Variants in CHMP2A observed in about 807,000 individuals in gnomAD.
CHMP2A encodes the protein charged multivesicular body protein 2A.
In CHMP2A, 6 loss-of-function variants were observed where a neutral mutation model predicts 21.8. The ratio of observed to expected loss-of-function variants is 0.28; its 90% CI spans 0.15 to 0.54. The LOEUF (loss-of-function observed/expected upper bound fraction) is 0.54, where lower values mean the gene tolerates loss of function less well. Ranked by LOEUF, CHMP2A falls within the 20% of genes least tolerant of loss-of-function variation. The pLI, the probability that CHMP2A is intolerant of heterozygous loss-of-function variation, is 0.95. For missense variants in CHMP2A, 303 were observed against 293.9 expected, an observed-to-expected ratio of 1.03 and a Z score of -0.23; for synonymous variants, 125 against 107.0, an observed-to-expected ratio of 1.17 and a Z score of -1.04.
rs1457256423 is a variant in CHMP2A at position 58,552,438 on chromosome 19, C to G, written c.169G>C (p.Asp57His). 2 of 1,613,028 alleles carry G rather than the reference C, an allele frequency of 1.2e-6. No homozygotes were observed. The highest frequency in any genetic ancestry group is 2.2e-5 in the East Asian group (1 of 44,882). Residue 57 changes from aspartate to histidine, a missense_variant and splice_region_variant, in exon 3 of 6, where the codon GAT becomes CAT. By Grantham distance (81) the Asp-to-His change is moderately conservative. Coordinates refer to ENST00000312547, the MANE Select transcript of CHMP2A (RefSeq NM_014453.4). ...IKKMAKQGQM[D>H]AVRIMAKDLV... Reference sequence around the variant, plus strand: ...TCTTTTGCCATGATGCGAACAGCATCCTGCAGAGTAGACAAGGGTATCAAG... The same window carrying G: ...TCTTTTGCCATGATGCGAACAGCATGCTGCAGAGTAGACAAGGGTATCAAG...
In CHMP2A at chr19:58,551,979, A is replaced by G; in HGVS notation, c.480-12T>C. The G allele has an allele frequency of 6.2e-7, 1 of 1,614,134 alleles. No homozygotes were observed. The highest frequency in any genetic ancestry group is 8.5e-7 in the Non-Finnish European group (1 of 1,180,006). ...ACACCACAGCATCACTAGGGAAGAG[A>G]GAGAACTCAGTGAGGGCTATGCACT... is the stretch of plus-strand genomic sequence containing the variant. On this transcript the variant is annotated splice_polypyrimidine_tract_variant and intron_variant, in intron 4 of 5. Coordinates refer to ENST00000312547, the MANE Select transcript of CHMP2A (RefSeq NM_014453.4).
intron 5 of CHMP2A, 38 bp downstream of exon 5, chr19:58,551,868 T>G: frequency 6.2e-7 from 1 of 1,614,056 alleles, no homozygotes; most frequent in Non-Finnish European, 8.5e-7. Flanking sequence ...TGGCTGGGCC[T>G]TGGGTGGGAA....
At position 58,551,700 on chromosome 19, in the gene CHMP2A, A is replaced by C. The variant is rs1231456642; in HGVS notation, c.618T>G (p.Ala206=). 6.2e-7 allele frequency: 1 copy of C among 1,614,024 alleles called. No individual in the cohort carries two copies. Among genetic ancestry groups the C allele is most frequent in the African/African-American group, 1.3e-5 (1 of 74,934 alleles). ...KKAEAAASAL[A]DADADLEERL... ...GTTCCTCCAGGTCTGCATCAGCATC[A>C]GCTAGGGCTGAGGCTGCGGCCTCTG... is the stretch of plus-strand genomic sequence containing the variant. The change falls in exon 6 of 6, where the codon GCT becomes GCG. Residue 206 remains alanine, a synonymous_variant. Coordinates refer to ENST00000312547, the MANE Select transcript of CHMP2A (RefSeq NM_014453.4).
chr19:58,552,592 T>A (rs920297271), intron 2 of CHMP2A, among the ~76,000 whole-genome samples, 154 bp from the exon 3 acceptor site: 6 of 152,174 alleles, frequency 3.9e-5, no homozygotes, highest in African/African-American at 1.4e-4. Flanking sequence ...CACTGGTCCC[T>A]CCCTCCTTCT....
chr19:58,552,511 G>C, intron 2 of CHMP2A, 73 bp from the exon 3 acceptor site: 1 of 1,470,358 alleles, frequency 6.8e-7, no homozygotes, highest in Non-Finnish European at 9.3e-7. Context: ...CCATTAGTTG[G>C]TTGTCCCTCC....
intron 2 of CHMP2A, 49 bp from the exon 3 acceptor site, chr19:58,552,487 C>A (rs750141261): frequency 1.3e-6 from 2 of 1,549,486 alleles, no homozygotes; most frequent in Non-Finnish European, 1.8e-6. Context: ...GATTATCCTA[C>A]ACTTCTTGAC....
Position 58,552,185 on chromosome 19 carries a change from G to T in CHMP2A, c.349C>A (p.Leu117Met). Reference sequence around the variant, plus strand: ...ATCTTCTGGATCTGGGGCAACTTCAGCTGGAAGTGACAGGAGTGTGAGTGT... The same window carrying T: ...ATCTTCTGGATCTGGGGCAACTTCATCTGGAAGTGACAGGAGTGTGAGTGT... ...TKAMGTMNRQ[L>M]KLPQIQKIMM... The change falls in exon 4 of 6, where the codon CTG (leucine) becomes ATG (methionine). Residue 117 changes from leucine (L) to methionine (M), a missense_variant and splice_region_variant. Coordinates refer to ENST00000312547, the MANE Select transcript of CHMP2A (RefSeq NM_014453.4). 6.2e-7 allele frequency: 1 copy of T among 1,614,186 alleles called. No individual in the cohort carries two copies. Among genetic ancestry groups the T allele is most frequent in the South Asian group, 1.1e-5 (1 of 91,084 alleles).
At position 58,552,078 on chromosome 19, in the gene CHMP2A, A is replaced by G; in HGVS notation, c.456T>C (p.Gly152=). The G allele has an allele frequency of 6.2e-7, 1 of 1,613,778 alleles. No individual in the cohort carries two copies. The highest frequency in any genetic ancestry group is 8.5e-7 in the Non-Finnish European group (1 of 1,179,954). The change falls in exon 4 of 6, where the codon GGT becomes GGC. Residue 152 remains glycine, a synonymous_variant. Coordinates refer to ENST00000312547, the MANE Select transcript of CHMP2A (RefSeq NM_014453.4). ...MMNDAIDDAM[G]DEEDEEESDA... is the part of the protein sequence containing the mutation. ...ACCTCTCCTCTTCATCTTCCTCATC[A>G]CCCATGGCATCATCAATGGCATCAT...
In CHMP2A at chr19:58,551,625, G is replaced by A. The variant is rs2053825094; in HGVS notation, c.*24C>T. 6.2e-7 allele frequency: 1 copy of A among 1,610,968 alleles called. No individual in the cohort carries two copies. Among genetic ancestry groups the A allele is most frequent in the Non-Finnish European group, 8.5e-7 (1 of 1,178,068 alleles). On this transcript the variant is annotated 3_prime_UTR_variant, in exon 6 of 6. Transcript: ENST00000312547. Reference sequence around the variant, plus strand: ...GGTAAAAGATCCTGGGCATCCACTGGTTATCTCGGAGTGGCAGGGGCACTC... The same window carrying A: ...GGTAAAAGATCCTGGGCATCCACTGATTATCTCGGAGTGGCAGGGGCACTC...
rs569551401 is a variant in CHMP2A, at chr19:58,552,970, A to T, written c.169-532T>A. Among the ~76,000 whole-genome samples the T allele has an allele frequency of 2.6e-5, 4 of 151,878 alleles. No individual in the cohort carries two copies. In the East Asian group the frequency reaches 7.7e-4, roughly 29 times the overall value. On this transcript the variant is annotated intron_variant, in intron 2 of 5. Transcript: ENST00000312547. ...TGTTCAGGCCAAAACCCTCTCACCC[A>T]TCAAAGGCTGTGTTCCTTCTTCATG... is the stretch of plus-strand genomic sequence containing the variant.
chr19:58,554,270 G>A (rs2053866820), intron 1 of CHMP2A, 34 bp from the exon 2 acceptor site: 4 of 1,563,802 alleles, frequency 2.6e-6, no homozygotes, highest in Admixed American at 1.9e-5. Flanking sequence ...CAGTTGTAGG[G>A]CATGGGGCCC....
intron 2 of CHMP2A, among the ~76,000 whole-genome samples, chr19:58,553,128 G>C (rs192429692): frequency 2.4e-4 from 36 of 151,666 alleles, no homozygotes; most frequent in Non-Finnish European, 4.7e-4. Flanking sequence ...CACAATCTTG[G>C]CTCACTGCAA....
rs2053826354 is a variant in CHMP2A at position 58,551,688 on chromosome 19, TGCATCA to T, written c.624_629del (p.Ala210_Asp211del). ...GGTTCTTAAGCCGTTCCTCCAGGTC[TGCATCA>T]GCATCAGCTAGGGCTGAGGCTGCGG... On this transcript the variant is annotated inframe_deletion, in exon 6 of 6. Transcript: ENST00000312547. 1.2e-6 allele frequency: 2 copies of T among 1,614,024 alleles called. No homozygotes were observed. The highest frequency in any genetic ancestry group is 1.3e-5 in the African/African-American group (1 of 74,936).
Position 58,551,664 on chromosome 19 carries a change from G to A in CHMP2A, c.654C>T (p.Asn218=), listed in dbSNP as rs2053826054. Residue 218 remains asparagine, a synonymous_variant, in exon 6 of 6, where the codon AAC becomes AAT. Transcript: ENST00000312547. The part of the protein sequence containing the change: ...ADADLEERLK[N]LRRD ...GCAGGGGCACTCAGTCCCTCCGCAG[G>A]TTCTTAAGCCGTTCCTCCAGGTCTG... The A allele has an allele frequency of 1.2e-6, 2 of 1,613,980 alleles. No homozygotes were observed. The highest frequency in any genetic ancestry group is 2.2e-5 in the South Asian group (2 of 91,074).
chr19:58,551,967 A>G lies in CHMP2A; in HGVS notation c.480T>C (p.Ser160=). 6.2e-7 allele frequency: 1 copy of G among 1,614,124 alleles called. No homozygotes were observed. Among genetic ancestry groups the G allele is most frequent in the Non-Finnish European group, 8.5e-7 (1 of 1,180,006 alleles). Residue 160 remains serine (S), a splice_region_variant and synonymous_variant, in exon 5 of 6, where the codon AGT becomes AGC. Transcript: ENST00000312547. ...CCAGAACCTGGGACACCACAGCATC[A>G]CTAGGGAAGAGAGAGAACTCAGTGA... is the stretch of plus-strand genomic sequence containing the variant. ...AMGDEEDEEE[S]DAVVSQVLDE... is the part of the protein sequence containing the mutation.
At chr19:58,553,208 C>A (rs1050554474) in intron 2 of CHMP2A, among the ~76,000 whole-genome samples, 7 of 151,948 alleles carry the variant, frequency 4.6e-5, no homozygotes, top group Non-Finnish European at 4.4e-5. Context: ...CAAGTATGCA[C>A]CACCATGCCC....
At position 58,554,208 on chromosome 19, in the gene CHMP2A, T is replaced by TTCTA; in HGVS notation, c.4_5insTAGA (p.Asp2ValfsTer48). The stretch of plus-strand genomic sequence containing the variant: ...CGTCTTCCGGCGCCCGAACAATAGG[T>TTCTA]CCATGATGGTAGAAGCTCACTGGCA... On this transcript the variant is annotated frameshift_variant, in exon 2 of 6. Transcript: ENST00000312547. LOFTEE classifies it high-confidence loss of function. The TTCTA allele has an allele frequency of 6.2e-7, 1 of 1,610,576 alleles. No individual in the cohort carries two copies.
At chr19:58,551,999 T>C in intron 4 of CHMP2A, 32 bp from the exon 5 acceptor site, 2 of 1,614,170 alleles carry the variant, frequency 1.2e-6, no homozygotes, top group South Asian at 1.1e-5. Flanking sequence ...GTGAGGGCTA[T>C]GCACTCCGTG....
rs1600087128 is a variant in CHMP2A, at chr19:58,552,192, G to A, written c.349-7C>T. 1 of 1,614,234 alleles carries A rather than the reference G, an allele frequency of 6.2e-7. No individual in the cohort carries two copies. The highest frequency in any genetic ancestry group is 1.3e-5 in the African/African-American group (1 of 75,052). ...GGATCTGGGGCAACTTCAGCTGGAAGTGACAGGAGTGTGAGTGTGATCCCC... is the reference window on the plus strand; with the variant it reads ...GGATCTGGGGCAACTTCAGCTGGAAATGACAGGAGTGTGAGTGTGATCCCC... On this transcript the variant is annotated splice_polypyrimidine_tract_variant and splice_region_variant and intron_variant, in intron 3 of 5. Coordinates refer to ENST00000312547, the MANE Select transcript of CHMP2A (RefSeq NM_014453.4).
Sources: allele counts gnomAD v4.1 joint callset (sites outside exome capture counted in the v4.1 genomes callset), GRCh38; gene constraint gnomAD v4.1.1; transcripts MANE v1.5; gene names NCBI Gene and HGNC (gene_info 2026-07-23, HGNC 2026-07-21).